TMEM184C: variants seen among roughly 807,000 people sequenced by gnomAD.
TMEM184C encodes the protein transmembrane protein 34.
In TMEM184C, 25 loss-of-function variants were observed where a neutral mutation model predicts 54.5. That is an observed-to-expected ratio of 0.46 (90% CI 0.33 to 0.64). TMEM184C has a LOEUF of 0.64. TMEM184C is among the 30% of genes least tolerant of loss of function. The pLI is 0.02. For synonymous variants in TMEM184C, 148 were observed against 181.5 expected, an observed-to-expected ratio of 0.82 and a Z score of 1.49; for missense variants, 335 against 520.3, an observed-to-expected ratio of 0.64 and a Z score of 3.46.
intron 1 of TMEM184C, among the ~76,000 whole-genome samples, chr4:147,619,362 T>G (rs1732662855): frequency 6.6e-6 from 1 of 151,906 alleles, no homozygotes. Flanking sequence ...CACACCCAAC[T>G]AATTTTTGTA....
rs1048537209 is a variant in TMEM184C at position 147,635,343 on chromosome 4, C to G, written c.*909C>G. 6.6e-6 allele frequency: 1 copy of G among 152,070 alleles called. No homozygotes were observed. Among genetic ancestry groups the G allele is most frequent in the African/African-American group, 2.4e-5 (1 of 41,418 alleles). 9.4% of individuals were successfully genotyped at this position (152,070 alleles called of 1,614,324 possible). On this transcript the variant is annotated 3_prime_UTR_variant, in exon 10 of 10. Coordinates refer to ENST00000296582, the MANE Select transcript of TMEM184C (RefSeq NM_018241.3). Reference sequence around the variant, plus strand: ...CAAAAAAAAAAGTTCTACTTTTCATCAGTGCTATTAAAGGTGGCAGCAAAT... The same window carrying G: ...CAAAAAAAAAAGTTCTACTTTTCATGAGTGCTATTAAAGGTGGCAGCAAAT...
intron 3 of TMEM184C, among the ~76,000 whole-genome samples, chr4:147,624,370 T>C (rs1215246091): frequency 6.7e-6 from 1 of 150,056 alleles, no homozygotes; most frequent in Non-Finnish European, 1.5e-5. Context: ...TACTACTCTT[T>C]TTATTTATTA....
chr4:147,629,803 ATAAAT>A, intron 6 of TMEM184C, 111 bp downstream of exon 6: 1 of 560,292 alleles, frequency 1.8e-6, no homozygotes, highest in Non-Finnish European at 2.8e-6. Flanking sequence ...TAATCTTCCT[ATAAAT>A]TAAATCTGAA....
Position 147,633,942 on chromosome 4 carries a change from T to C in TMEM184C, c.1051+6T>C, listed in dbSNP as rs754869834. 6.2e-7 allele frequency: 1 copy of C among 1,605,758 alleles called. No individual in the cohort carries two copies. The highest frequency in any genetic ancestry group is 2.2e-5 in the East Asian group (1 of 44,788). On this transcript the variant is annotated splice_donor_region_variant and intron_variant, in intron 9 of 9. Transcript: ENST00000296582. The stretch of plus-strand genomic sequence containing the variant: ...TGAACAAGTAAGGCATGTTGGTAAG[T>C]ACCAGCTATTTAATTCAACCAAATA...
At chr4:147,625,583 T>C (rs1176932251) in intron 4 of TMEM184C, among the ~76,000 whole-genome samples, 3 of 152,224 alleles carry the variant, frequency 2.0e-5, no homozygotes, top group African/African-American at 7.2e-5. Flanking sequence ...AAGATTAATT[T>C]TGCAATATCA....
At chr4:147,632,618 G>A in intron 7 of TMEM184C, 1 of 346,708 alleles carries the variant, frequency 2.9e-6, no homozygotes. Flanking sequence ...ATGAAAGCAT[G>A]TCCATGTCAT....
At chr4:147,629,743 C>T (rs1458923878) in intron 6 of TMEM184C, 51 bp downstream of exon 6, 1 of 1,317,610 alleles carries the variant, frequency 7.6e-7, no homozygotes, top group Non-Finnish European at 1.0e-6. Context: ...GTATCTATAA[C>T]TAAATTTCTT....
rs185592143 is a variant in TMEM184C, at chr4:147,625,209, T to A, written c.497+200T>A. The stretch of plus-strand genomic sequence containing the variant: ...AATCCCACATATATGTTAGTCTTTT[T>A]TACATTATTAATCCCAAATCCAAAA... On this transcript the variant is annotated intron_variant, in intron 4 of 9. Coordinates refer to ENST00000296582, the MANE Select transcript of TMEM184C (RefSeq NM_018241.3). Among the ~76,000 whole-genome samples, 5 of 152,362 alleles carry A rather than the reference T, an allele frequency of 3.3e-5. No individual in the cohort carries two copies. The East Asian group carries it at 7.7e-4, about 23-fold the overall frequency.
chr4:147,635,397 C>T lies in TMEM184C; in HGVS notation c.*963C>T, dbSNP rs1394735339. 2.6e-5 allele frequency: 4 copies of T among 152,216 alleles called. No homozygotes were observed. The East Asian group carries it at 7.7e-4, about 29-fold the overall frequency. The allele number at this position is 152,216 out of a possible 1,614,324, so 9.4% of individuals were successfully genotyped here. On this transcript the variant is annotated 3_prime_UTR_variant, in exon 10 of 10. Transcript: ENST00000296582. ...AATCTTGGCTGAATGGTCTTAATTA[C>T]TCATTAAACCACAGTCAGAAAGACA...
At chr4:147,628,193 T>C (rs1578860181) in intron 4 of TMEM184C, among the ~76,000 whole-genome samples, 168 bp from the exon 5 acceptor site, 1 of 152,216 alleles carries the variant, frequency 6.6e-6, no homozygotes, top group Admixed American at 6.5e-5. Context: ...ATAATTTGTT[T>C]CCTGCCATCC....
intron 6 of TMEM184C, 105 bp downstream of exon 6, chr4:147,629,797 C>G (rs974373516): frequency 1.5e-5 from 9 of 619,646 alleles, no homozygotes; most frequent in Admixed American, 8.0e-5. Flanking sequence ...TCTTTTTAAT[C>G]TTCCTATAAA....
chr4:147,630,926 TCA>T (rs1732904999), intron 6 of TMEM184C, among the ~76,000 whole-genome samples: 1 of 152,108 alleles, frequency 6.6e-6, no homozygotes, highest in Non-Finnish European at 1.5e-5. Flanking sequence ...TACACCGCTC[TCA>T]GGAAAAATTG....
At position 147,629,468 on chromosome 4, in the gene TMEM184C, C is replaced by T. The variant is rs1732871970; in HGVS notation, c.573-131C>T. ...TCAAATAAACTGACTTCTAAATTCT[C>T]TGTGTCCAAAGTCAAGTGATTGTCA... is the stretch of plus-strand genomic sequence containing the variant. On this transcript the variant is annotated intron_variant, in intron 5 of 9. Coordinates refer to ENST00000296582, the MANE Select transcript of TMEM184C (RefSeq NM_018241.3). 4.9e-6 allele frequency: 3 copies of T among 610,912 alleles called. No individual in the cohort carries two copies. In the East Asian group the frequency reaches 1.0e-4, roughly 21 times the overall value. 37.8% of individuals were successfully genotyped at this position (610,912 alleles called of 1,614,324 possible).
In TMEM184C at chr4:147,624,867, G is replaced by A; in HGVS notation, c.355G>A (p.Ala119Thr). 6.2e-7 allele frequency: 1 copy of A among 1,613,894 alleles called. No homozygotes were observed. Reference sequence around the variant, plus strand: ...GGATACCTGCAGAGAATGCTATGAAGCTTATGTAATTTACAACTTTATGGG... The same window carrying A: ...GGATACCTGCAGAGAATGCTATGAAACTTATGTAATTTACAACTTTATGGG... ...YVDTCRECYEAYVIYNFMGFL... is the reference protein window; with the variant it reads ...YVDTCRECYETYVIYNFMGFL... Residue 119 changes from alanine to threonine, a missense_variant, in exon 4 of 10, where the codon GCT (alanine) becomes ACT (threonine). By Grantham distance (58) the Ala-to-Thr change is moderately conservative (BLOSUM62 0). Transcript: ENST00000296582.
In TMEM184C at chr4:147,634,380, T is replaced by C. The variant is rs752676410; in HGVS notation, c.1263T>C (p.Leu421=). 3.1e-6 allele frequency: 5 copies of C among 1,614,160 alleles called. No individual in the cohort carries two copies. Among genetic ancestry groups the C allele is most frequent in the South Asian group, 2.2e-5 (2 of 91,086 alleles). The change falls in exon 10 of 10, where the codon CTT becomes CTC. Residue 421 remains leucine, a synonymous_variant. Transcript: ENST00000296582. ...CAGCTAAGATATCTGATGAAATCCT[T>C]AGTGATACTATAGGAGAGAAAAAAG... ...PTTAKISDEI[L]SDTIGEKKEP...
chr4:147,625,084 T>G, intron 4 of TMEM184C, 75 bp downstream of exon 4: 1 of 1,401,386 alleles, frequency 7.1e-7, no homozygotes, highest in African/African-American at 1.4e-5. Flanking sequence ...CAATCAGCTC[T>G]TTACAAGGCA....
rs934535802 is a variant in TMEM184C, at chr4:147,634,647, T to A, written c.*213T>A. 7.7e-5 allele frequency: 42 copies of A among 542,610 alleles called. No individual in the cohort carries two copies. Among genetic ancestry groups the A allele is most frequent in the Non-Finnish European group, 1.2e-4 (38 of 312,110 alleles). 33.6% of individuals were successfully genotyped at this position (542,610 alleles called of 1,614,324 possible). ...AGACTTAGACTTGATTTCTTAACATTAGGGTATCGCATACTCAAATGGTAG... is the reference window on the plus strand; with the variant it reads ...AGACTTAGACTTGATTTCTTAACATAAGGGTATCGCATACTCAAATGGTAG... On this transcript the variant is annotated 3_prime_UTR_variant, in exon 10 of 10. Transcript: ENST00000296582.
Position 147,630,212 on chromosome 4 carries a change from A to G in TMEM184C, c.666+520A>G, listed in dbSNP as rs550690297. Among the ~76,000 whole-genome samples, 5 of 152,222 alleles carry G rather than the reference A, an allele frequency of 3.3e-5. No individual in the cohort carries two copies. In the South Asian group the frequency reaches 1.0e-3, roughly 32 times the overall value. ...TAGAAACTGTATGTTCCAAAGACCT[A>G]TGATGTAATGTCCTATTTGATCTTA... is the stretch of plus-strand genomic sequence containing the variant. On this transcript the variant is annotated intron_variant, in intron 6 of 9. Coordinates refer to ENST00000296582, the MANE Select transcript of TMEM184C (RefSeq NM_018241.3).
At chr4:147,623,550 C>T (rs1325577841) in intron 1 of TMEM184C, among the ~76,000 whole-genome samples, 15 of 150,142 alleles carry the variant, frequency 1.0e-4, no homozygotes, top group Non-Finnish European at 2.1e-4. Flanking sequence ...CCACCTTTTC[C>T]CCTTAAAAAA....
Sources: allele counts gnomAD v4.1 joint callset (sites outside exome capture counted in the v4.1 genomes callset), GRCh38; gene constraint gnomAD v4.1.1; transcripts MANE v1.5; gene names NCBI Gene and HGNC (gene_info 2026-07-23, HGNC 2026-07-21).